TAFA1: variants seen among roughly 807,000 people sequenced by gnomAD.
TAFA1 encodes TAFA chemokine like family member 1.
In TAFA1, 4 loss-of-function variants were observed where a neutral mutation model predicts 18.5. The ratio of observed to expected loss-of-function variants is 0.22; its 90% CI spans 0.11 to 0.49. TAFA1 has a LOEUF of 0.49. Among genes scored for constraint, TAFA1 ranks in the 20% least tolerant of loss-of-function variants. The pLI, the probability that TAFA1 is intolerant of heterozygous loss-of-function variation, is 0.98. For missense variants in TAFA1, 147 were observed against 169.0 expected (o/e 0.87, Z 0.72); for synonymous variants, 56 against 55.2 (o/e 1.01, Z -0.06).
intron 3 of TAFA1, among the ~76,000 whole-genome samples, chr3:68,474,530 A>G (rs959544501): frequency 2.0e-5 from 3 of 152,224 alleles, no homozygotes; most frequent in Non-Finnish European, 4.4e-5. Context: ...AGTCAAACTC[A>G]CTAAGGTATG....
chr3:68,204,484 A>C (rs187997787), intron 2 of TAFA1, among the ~76,000 whole-genome samples: 129 of 147,528 alleles, frequency 8.7e-4, no homozygotes, highest in Admixed American at 5.4e-3. Flanking sequence ...TGATGTGCTC[A>C]GCTGTGGACC....
chr3:68,169,648 T>C (rs1015729043), intron 2 of TAFA1, among the ~76,000 whole-genome samples: 3 of 152,204 alleles, frequency 2.0e-5, no homozygotes, highest in Non-Finnish European at 4.4e-5. Context: ...TTATAACAAA[T>C]GAAAGTTCAA....
At chr3:68,504,151 T>A (rs1338567583) in intron 3 of TAFA1, among the ~76,000 whole-genome samples, 1 of 152,186 alleles carries the variant, frequency 6.6e-6, no homozygotes. Context: ...GGGTAAATAT[T>A]TCCAGCCTTG....
chr3:68,395,656 G>A (rs910198014), intron 2 of TAFA1, among the ~76,000 whole-genome samples: 1 of 152,108 alleles, frequency 6.6e-6, no homozygotes, highest in African/African-American at 2.4e-5. Context: ...GTCCTTTGCA[G>A]GGACATGGAT....
chr3:68,260,315 T>A (rs2067389038), intron 2 of TAFA1, among the ~76,000 whole-genome samples: 2 of 152,162 alleles, frequency 1.3e-5, no homozygotes, highest in Admixed American at 6.6e-5. Flanking sequence ...ATGAGCTTTT[T>A]GATGTGCTGC....
chr3:68,044,360 A>G (rs1240977333), intron 2 of TAFA1, among the ~76,000 whole-genome samples: 1 of 152,196 alleles, frequency 6.6e-6, no homozygotes, highest in Admixed American at 6.5e-5. Context: ...TGATGATTAC[A>G]TATCTGTTGA....
At chr3:68,484,419 G>T (rs1162156279) in intron 3 of TAFA1, among the ~76,000 whole-genome samples, 2 of 152,184 alleles carry the variant, frequency 1.3e-5, no homozygotes, top group Non-Finnish European at 2.9e-5. Context: ...ATGAGCCAGG[G>T]TAAGAGTAGC....
intron 3 of TAFA1, among the ~76,000 whole-genome samples, chr3:68,495,463 A>T (rs937459903): frequency 9.2e-5 from 14 of 152,172 alleles, no homozygotes; most frequent in African/African-American, 3.4e-4. Context: ...TGCATAATAA[A>T]TTTAGTGTAT....
chr3:68,217,047 T>G (rs141794059), intron 2 of TAFA1, among the ~76,000 whole-genome samples: 36 of 152,166 alleles, frequency 2.4e-4, no homozygotes, highest in Non-Finnish European at 4.1e-4. Context: ...AATTCTGCAT[T>G]GTGACTTTCT....
intron 2 of TAFA1, among the ~76,000 whole-genome samples, chr3:68,370,389 T>TATACACATATATATGTACACACAC (rs2069667268): frequency 4.6e-5 from 3 of 65,052 alleles, no homozygotes; most frequent in Non-Finnish European, 6.1e-5. Context: ...CACATATATA[T>TATACACATATATATGTACACACAC]ACACACATAT....
intron 3 of TAFA1, among the ~76,000 whole-genome samples, chr3:68,459,947 C>T (rs538955599): frequency 6.6e-6 from 1 of 152,272 alleles, no homozygotes; most frequent in South Asian, 2.1e-4. Flanking sequence ...ATTAACGACC[C>T]TTTACTTAGG....
At chr3:68,092,007 C>A (rs181186685) in intron 2 of TAFA1, among the ~76,000 whole-genome samples, 87 of 152,222 alleles carry the variant, frequency 5.7e-4, no homozygotes, top group African/African-American at 1.9e-3. Flanking sequence ...AGCTTCTAGA[C>A]AACATCCAGT....
At chr3:68,207,337 T>C (rs2066540344) in intron 2 of TAFA1, among the ~76,000 whole-genome samples, 1 of 151,978 alleles carries the variant, frequency 6.6e-6, no homozygotes, top group Admixed American at 6.6e-5. Flanking sequence ...ATATCGTAGT[T>C]AATTGGTGCT....
chr3:68,255,743 G>T (rs535052568), intron 2 of TAFA1, among the ~76,000 whole-genome samples: 1 of 152,118 alleles, frequency 6.6e-6, no homozygotes, highest in African/African-American at 2.4e-5. Flanking sequence ...GGCTTCTTAG[G>T]ATTTTCTGTC....
intron 2 of TAFA1, among the ~76,000 whole-genome samples, chr3:68,150,679 C>A (rs1355307680): frequency 6.6e-6 from 1 of 152,034 alleles, no homozygotes; most frequent in Non-Finnish European, 1.5e-5. Flanking sequence ...CCTTCATTTA[C>A]TTCTTTCTTT....
chr3:68,508,361 T>C (rs2072794102), intron 3 of TAFA1, among the ~76,000 whole-genome samples: 2 of 152,224 alleles, frequency 1.3e-5, no homozygotes, highest in South Asian at 4.1e-4. Flanking sequence ...AAAATCTTAG[T>C]GTTCAGAAAG....
At chr3:68,520,853 A>C (rs1575946400) in intron 3 of TAFA1, among the ~76,000 whole-genome samples, 1 of 152,196 alleles carries the variant, frequency 6.6e-6, no homozygotes, top group African/African-American at 2.4e-5. Flanking sequence ...TCGGTACTAA[A>C]TGGCTAGAAA....
rs183698949 is a variant in TAFA1 at position 68,237,160 on chromosome 3, C to T, written c.119-180120C>T. ...TCAAGGTTCTGGAGACTGGCAAGTC[C>T]ATGGTCAAAGCTCTGGCAGATTCAG... On this transcript the variant is annotated intron_variant, in intron 2 of 4. Coordinates refer to ENST00000478136, the MANE Select transcript of TAFA1 (RefSeq NM_213609.4). Among the ~76,000 whole-genome samples, 28 of 152,238 alleles carry T rather than the reference C, an allele frequency of 1.8e-4. No homozygotes were observed. In the East Asian group the frequency reaches 3.7e-3, roughly 20 times the overall value.
chr3:68,325,653 GAACA>G (rs1021073358), intron 2 of TAFA1, among the ~76,000 whole-genome samples: 19 of 152,120 alleles, frequency 1.2e-4, no homozygotes, highest in Middle Eastern at 3.2e-3. Flanking sequence ...GTAAACTTAG[GAACA>G]AACTAGAAAA....
Sources: allele counts gnomAD v4.1 joint callset (sites outside exome capture counted in the v4.1 genomes callset), GRCh38; gene constraint gnomAD v4.1.1; transcripts MANE v1.5; gene names NCBI Gene and HGNC (gene_info 2026-07-23, HGNC 2026-07-21).